The following NFXL1 variants were observed in gnomAD, a reference collection of about 807,000 sequenced individuals.
The protein encoded by NFXL1 is NF-X1-type zinc finger protein NFXL1.
Under a neutral mutation model 123.3 loss-of-function variants are expected in NFXL1, and 66 were observed. The observed-to-expected ratio is 0.54, with a 90% CI of 0.44 to 0.66. The LOEUF is 0.66. Among genes scored for constraint, NFXL1 ranks in the 30% least tolerant of loss-of-function variants. The pLI, the probability that NFXL1 is intolerant of heterozygous loss-of-function variation, is 0.00. For synonymous variants in NFXL1, 346 were observed against 360.8 expected (o/e 0.96, Z 0.46); for missense variants, 944 against 1,125.6 (o/e 0.84, Z 2.31).
At chr4:47,876,972 G>A in intron 17 of NFXL1, 1 of 625,514 alleles carries the variant, frequency 1.6e-6, no homozygotes, top group Non-Finnish European at 2.4e-6. Flanking sequence ...CAAATATTAG[G>A]CAGTGAGTAA....
At chr4:47,900,779 T>C (rs1287610565) in intron 5 of NFXL1, among the ~76,000 whole-genome samples, 1 of 152,218 alleles carries the variant, frequency 6.6e-6, no homozygotes. Context: ...ATACAAAATA[T>C]TTTCATTGTC....
intron 11 of NFXL1, among the ~76,000 whole-genome samples, chr4:47,890,986 TAAC>T (rs1404791658): frequency 6.6e-6 from 1 of 152,206 alleles, no homozygotes; most frequent in Non-Finnish European, 1.5e-5. Context: ...ATGCAGAGAC[TAAC>T]AACATTAACC....
At chr4:47,850,575 G>A (rs1214510723) in intron 22 of NFXL1, among the ~76,000 whole-genome samples, 1 of 151,996 alleles carries the variant, frequency 6.6e-6, no homozygotes, top group African/African-American at 2.4e-5. Flanking sequence ...GAATGTACTT[G>A]TTCTCTAGGT....
At chr4:47,891,198 A>G (rs541037044) in intron 11 of NFXL1, among the ~76,000 whole-genome samples, 2 of 145,540 alleles carry the variant, frequency 1.4e-5, no homozygotes, top group African/African-American at 5.1e-5. Flanking sequence ...TGCAACCTCC[A>G]CCTCCCAGGC....
At chr4:47,865,508 C>T (rs1577997247) in intron 18 of NFXL1, among the ~76,000 whole-genome samples, 2 of 147,904 alleles carry the variant, frequency 1.4e-5, no homozygotes, top group East Asian at 4.0e-4. Flanking sequence ...AAAACAACTC[C>T]TGAGAGAGCT....
At chr4:47,895,131 T>A (rs1478261887) in intron 10 of NFXL1, among the ~76,000 whole-genome samples, 1 of 152,006 alleles carries the variant, frequency 6.6e-6, no homozygotes, top group Non-Finnish European at 1.5e-5. Context: ...GTCTCAAGAG[T>A]GGGCTTATAA....
Position 47,897,108 on chromosome 4 carries a change from G to A in NFXL1, c.1205-461C>T, listed in dbSNP as rs1578034241. On this transcript the variant is annotated intron_variant, in intron 9 of 22. Transcript: ENST00000507489. ...GAGGATTACTTGAGGCCAGGAGTTC[G>A]AGGCCAGCCTGGGAAACATAGGGAG... Among the ~76,000 whole-genome samples, 3 of 152,178 alleles carry A rather than the reference G, an allele frequency of 2.0e-5. No homozygotes were observed. In the South Asian group the frequency reaches 6.2e-4, roughly 32 times the overall value.
intron 16 of NFXL1, 46 bp from the exon 17 acceptor site, chr4:47,878,711 T>A: frequency 1.4e-6 from 2 of 1,380,906 alleles, no homozygotes; most frequent in Non-Finnish European, 1.9e-6. Flanking sequence ...ACTCAAACGT[T>A]TCTGGACATA....
At chr4:47,891,604 T>C (rs1736772857) in intron 11 of NFXL1, among the ~76,000 whole-genome samples, 1 of 152,188 alleles carries the variant, frequency 6.6e-6, no homozygotes, top group Non-Finnish European at 1.5e-5. Context: ...CAAGTCTATA[T>C]TGCCATCTTA....
At chr4:47,853,618 A>C (rs751322192) in intron 20 of NFXL1, among the ~76,000 whole-genome samples, 1 of 152,132 alleles carries the variant, frequency 6.6e-6, no homozygotes, top group Non-Finnish European at 1.5e-5. Context: ...GCAGAGAGCT[A>C]AAGGAAAAAC....
intron 18 of NFXL1, among the ~76,000 whole-genome samples, chr4:47,868,042 G>A (rs865926444): frequency 2.6e-4 from 40 of 152,294 alleles, no homozygotes; most frequent in African/African-American, 9.1e-4. Context: ...AGGGCTGGGC[G>A]CAGTGGCTCA....
chr4:47,909,425 C>A (rs1401594630), intron 3 of NFXL1, among the ~76,000 whole-genome samples: 1 of 152,082 alleles, frequency 6.6e-6, no homozygotes, highest in East Asian at 1.9e-4. Flanking sequence ...AGGTTTAAAC[C>A]CAGCTCTGCC....
chr4:47,888,859 A>G (rs1736608141), intron 12 of NFXL1, among the ~76,000 whole-genome samples: 1 of 152,214 alleles, frequency 6.6e-6, no homozygotes, highest in African/African-American at 2.4e-5. Flanking sequence ...AACTGATGTA[A>G]AAAATGAAGT....
chr4:47,853,494 G>A (rs1734237109), intron 20 of NFXL1, among the ~76,000 whole-genome samples: 1 of 151,932 alleles, frequency 6.6e-6, no homozygotes, highest in African/African-American at 2.4e-5. Flanking sequence ...TATGAACCCA[G>A]TACAAAGAAA....
intron 22 of NFXL1, among the ~76,000 whole-genome samples, chr4:47,850,418 A>G (rs529007134): frequency 3.7e-4 from 57 of 152,272 alleles, no homozygotes; most frequent in Non-Finnish European, 6.9e-4. Flanking sequence ...GCAGTAGCTT[A>G]GCACACAATA....
intron 19 of NFXL1, 121 bp downstream of exon 19, chr4:47,862,725 G>C (rs73818033): frequency 1.4e-6 from 1 of 716,942 alleles, no homozygotes; most frequent in Non-Finnish European, 2.5e-6. Context: ...TATGTCTTAC[G>C]TGTTTATTTA....
At chr4:47,904,458 C>A in intron 4 of NFXL1, among the ~76,000 whole-genome samples, 1 of 152,196 alleles carries the variant, frequency 6.6e-6, no homozygotes, top group Non-Finnish European at 1.5e-5. Flanking sequence ...AGAGACTATG[C>A]ATTCCCTGCA....
chr4:47,902,227 T>TAGTTACTAA (rs1210778143), intron 5 of NFXL1, among the ~76,000 whole-genome samples: 3 of 152,062 alleles, frequency 2.0e-5, no homozygotes, highest in Non-Finnish European at 4.4e-5. Context: ...AACATAAAAT[T>TAGTTACTAA]AGTTACTAAA....
chr4:47,895,734 C>G (rs2110095205), intron 10 of NFXL1, among the ~76,000 whole-genome samples: 1 of 152,332 alleles, frequency 6.6e-6, no homozygotes, highest in East Asian at 1.9e-4. Context: ...GTTTCACTTT[C>G]TTAACATTCC....
Sources: allele counts gnomAD v4.1 joint callset (sites outside exome capture counted in the v4.1 genomes callset), GRCh38; gene constraint gnomAD v4.1.1; transcripts MANE v1.5; gene names NCBI Gene and HGNC (gene_info 2026-07-23, HGNC 2026-07-21).